Variants in MMS19 observed in about 807,000 individuals in gnomAD.
MMS19 encodes MMS19 cytosolic iron-sulfur assembly component.
MMS19 carries 77 observed loss-of-function variants against 129.8 expected under a neutral mutation model. The ratio of observed to expected loss-of-function variants is 0.59; its 90% confidence interval spans 0.49 to 0.72. The LOEUF is 0.72. MMS19 is among the 30% of genes least tolerant of loss of function. The pLI is 0.00. For synonymous variants in MMS19, 491 were observed against 502.8 expected, an observed-to-expected ratio of 0.98 and a Z score of 0.31; for missense variants, 1,168 against 1,266.3, an observed-to-expected ratio of 0.92 and a Z score of 1.18.
chr10:97,477,890 C>A lies in MMS19; in HGVS notation c.388G>T (p.Val130Leu), dbSNP rs2036048890. Reference sequence around the variant, plus strand: ...ACTTCCTGGAAGATGGCTTTAAGCACAGAAACAGCCAGCCCTGGGGGCAGG... The same window carrying A: ...ACTTCCTGGAAGATGGCTTTAAGCAAAGAAACAGCCAGCCCTGGGGGCAGG... The part of the protein sequence containing the change: ...VALPPGLAVS[V>L]LKAIFQEVHV... Residue 130 changes from valine (V) to leucine (L), a missense_variant, in exon 5 of 31, where the codon GTG becomes TTG. Transcript: ENST00000438925. 1 of 1,609,316 alleles carries A rather than the reference C, an allele frequency of 6.2e-7. No homozygotes were observed. Among genetic ancestry groups the A allele is most frequent in the Non-Finnish European group, 8.5e-7 (1 of 1,178,204 alleles).
At chr10:97,498,457 G>A (rs774061700), upstream of MMS19, 29 of 1,532,200 alleles carry the variant, frequency 1.9e-5, no homozygotes, top group Admixed American at 2.6e-4. Context: ...TGCGCCTCCC[G>A]AGCCAATCTC....
rs909040379 is a variant in MMS19 at position 97,497,261 on chromosome 10, TATTCAACAATAGTGGC to T, written c.112+996_112+1011del. Among the ~76,000 whole-genome samples, 3 of 152,220 alleles carry T rather than the reference TATTCAACAATAGTGGC, an allele frequency of 2.0e-5. 1 individual carries two copies. The highest frequency in any genetic ancestry group is 4.4e-5 in the Non-Finnish European group (3 of 68,036). ...TGCATCATGTTTGGGGAATAATATG[TATTCAACAATAGTGGC>T]ATGATTGAATTAAAGTGGAATACTG... On this transcript the variant is annotated intron_variant, in intron 1 of 30. Coordinates refer to ENST00000438925, the MANE Select transcript of MMS19 (RefSeq NM_022362.5).
At chr10:97,468,611 T>C (rs1024875494) in intron 12 of MMS19, among the ~76,000 whole-genome samples, 7 of 152,052 alleles carry the variant, frequency 4.6e-5, no homozygotes, top group Admixed American at 1.3e-4. Flanking sequence ...CCTTAAGGAA[T>C]GTCATTTGTT....
chr10:97,461,312 T>C, intron 23 of MMS19, 184 bp downstream of exon 23: 2 of 694,150 alleles, frequency 2.9e-6, no homozygotes, highest in Admixed American at 2.9e-5. Flanking sequence ...TTAGGTACTA[T>C]AAAGCTCTGC....
At chr10:97,474,292 C>T (rs1357501700) in intron 8 of MMS19, among the ~76,000 whole-genome samples, 2 of 151,996 alleles carry the variant, frequency 1.3e-5, no homozygotes, top group Non-Finnish European at 1.5e-5. Flanking sequence ...CGTGTAATCC[C>T]AGCACTTTGG....
At chr10:97,477,286 A>G in intron 6 of MMS19, 61 bp downstream of exon 6, 1 of 1,613,444 alleles carries the variant, frequency 6.2e-7, no homozygotes, top group Admixed American at 1.7e-5. Flanking sequence ...GAGTCCTACT[A>G]ATAGGGGAAA....
chr10:97,476,637 C>T (rs1257258674), intron 8 of MMS19, 46 bp downstream of exon 8: 1 of 1,588,140 alleles, frequency 6.3e-7, no homozygotes, highest in Non-Finnish European at 8.6e-7. Flanking sequence ...TGGCACATAG[C>T]AGACACTCAA....
rs751106082 is a variant in MMS19, at chr10:97,459,431, G to C, written c.2835C>G (p.Pro945=). Residue 945 remains proline (P), a synonymous_variant, in exon 28 of 31, where the codon CCC becomes CCG. Coordinates refer to ENST00000438925, the MANE Select transcript of MMS19 (RefSeq NM_022362.5). The stretch of plus-strand genomic sequence containing the variant: ...TGTCCACGTGAAGACTCATGACTTG[G>C]GGTGCTTCCAGTAGAAGAGGCTGAA... ...SCLQPLLLEA[P]QVMSLHVDTL... is the part of the protein sequence containing the mutation. 1.9e-6 allele frequency: 3 copies of C among 1,609,812 alleles called. No homozygotes were observed. The South Asian group carries it at 3.3e-5, about 18-fold the overall frequency.
At chr10:97,463,774 C>A in intron 19 of MMS19, 84 bp downstream of exon 19, 1 of 1,197,512 alleles carries the variant, frequency 8.4e-7, no homozygotes, top group South Asian at 1.4e-5. Context: ...AAATACAGTA[C>A]CACCAATACC....
At position 97,476,919 on chromosome 10, in the gene MMS19, C is replaced by T; in HGVS notation, c.538G>A (p.Val180Met). ...GADFTFGFIQ[V>M]MDGEKDPRNL... ...CGGGGATCCTTTTCCCCATCCATCA[C>T]CTGGATGAAGCCAAAGGTGAAGTCA... Residue 180 changes from valine (V) to methionine (M), a missense_variant, in exon 7 of 31, where the codon GTG (valine) becomes ATG (methionine). Around this residue, in one of 3 missense-constraint regions of MMS19, gnomAD observed 329 missense variants for 328.6 expected, o/e 1.00. Coordinates refer to ENST00000438925, the MANE Select transcript of MMS19 (RefSeq NM_022362.5). The T allele has an allele frequency of 1.2e-6, 2 of 1,613,920 alleles. No homozygotes were observed. Among genetic ancestry groups the T allele is most frequent in the Non-Finnish European group, 1.7e-6 (2 of 1,179,842 alleles).
chr10:97,489,138 G>A (rs984942823), intron 1 of MMS19, among the ~76,000 whole-genome samples: 3 of 152,062 alleles, frequency 2.0e-5, no homozygotes, highest in African/African-American at 7.2e-5. Context: ...AACACACCGG[G>A]CCTGTAGCTA....
intron 8 of MMS19, among the ~76,000 whole-genome samples, chr10:97,474,244 C>T (rs937318021): frequency 1.3e-5 from 2 of 151,870 alleles, no homozygotes; most frequent in African/African-American, 4.8e-5. Context: ...ACTATGATGG[C>T]ACACAATACT....
intron 1 of MMS19, among the ~76,000 whole-genome samples, chr10:97,493,626 T>A (rs532439276): frequency 6.6e-6 from 1 of 152,182 alleles, no homozygotes. Flanking sequence ...AGAGATTGGG[T>A]TGGCATGAGA....
Position 97,498,348 on chromosome 10 carries a change from T to TAGGCGCCGCCGCCTCCAC in MMS19, c.19_36dup (p.Val7_Pro12dup). ...TGCACGAGGCCCCATAGGGCACCCA[T>TAGGCGCCGCCGCCTCCAC]AGGCGCCGCCGCCTCCACAGCCGCG... On this transcript the variant is annotated inframe_insertion, in exon 1 of 31. Coordinates refer to ENST00000438925, the MANE Select transcript of MMS19 (RefSeq NM_022362.5). 1 of 1,571,912 alleles carries TAGGCGCCGCCGCCTCCAC rather than the reference T, an allele frequency of 6.4e-7. No homozygotes were observed. The highest frequency in any genetic ancestry group is 1.1e-5 in the South Asian group (1 of 87,150).
At chr10:97,459,196 C>T in intron 29 of MMS19, 27 bp downstream of exon 29, 1 of 1,601,894 alleles carries the variant, frequency 6.2e-7, no homozygotes, top group Non-Finnish European at 8.5e-7. Context: ...TGTTCCCAGG[C>T]CAGGGAAGGA....
intron 12 of MMS19, 39 bp downstream of exon 12, chr10:97,468,927 T>A: frequency 6.4e-7 from 1 of 1,564,006 alleles, no homozygotes; most frequent in Admixed American, 1.9e-5. Flanking sequence ...TCGTTTCTAT[T>A]GTGCTCACTC....
At chr10:97,489,433 A>G (rs1193649600) in intron 1 of MMS19, among the ~76,000 whole-genome samples, 1 of 152,224 alleles carries the variant, frequency 6.6e-6, no homozygotes, top group East Asian at 1.9e-4. Context: ...TTACATTTAT[A>G]GCAAAGTTGC....
intron 8 of MMS19, among the ~76,000 whole-genome samples, chr10:97,471,140 T>A (rs1408903265): frequency 6.6e-6 from 1 of 152,248 alleles, no homozygotes; most frequent in African/African-American, 2.4e-5. Flanking sequence ...TCTTCGCTGA[T>A]ATATATTGTT....
intron 26 of MMS19, 147 bp from the exon 27 acceptor site, chr10:97,459,888 G>C (rs2031248194): frequency 2.0e-6 from 2 of 994,318 alleles, no homozygotes; most frequent in Non-Finnish European, 3.0e-6. Flanking sequence ...ATACGCCCAT[G>C]AAAGGAAGAA....
Sources: gnomAD v4.1 joint callset for allele counts (sites outside exome capture counted in the v4.1 genomes callset) on GRCh38, gnomAD v4.1.1 for gene constraint, gnomAD v4.1.1 regional missense constraint, MANE v1.5 for transcripts, NCBI Gene and HGNC (gene_info 2026-07-23, HGNC 2026-07-21) for gene names.